RNFT2: variants seen among roughly 807,000 people sequenced by gnomAD.
RNFT2 encodes ring finger protein, transmembrane 2.
Under a neutral mutation model 53.0 loss-of-function variants are expected in RNFT2, and 36 were observed. The observed-to-expected ratio is 0.68, with a 90% CI of 0.52 to 0.90. The LOEUF is 0.90. Ranked by LOEUF, RNFT2 falls within the 40% of genes least tolerant of loss-of-function variation. The pLI is 0.00. For missense variants in RNFT2, 514 were observed against 585.6 expected (o/e 0.88, Z 1.26); for synonymous variants, 260 against 253.2 (o/e 1.03, Z -0.26).
chr12:116,824,387 C>T (rs1876213500), intron 7 of RNFT2, among the ~76,000 whole-genome samples: 1 of 152,116 alleles, frequency 6.6e-6, no homozygotes, highest in Non-Finnish European at 1.5e-5. Context: ...GGATTGGAAT[C>T]AAATAGTAAC....
Position 116,741,107 on chromosome 12 carries a change from GCT to G in RNFT2, c.83+14_83+15del. ...TTCCACCTGAAAGGTAGGCATCCCT[GCT>G]TCTGTTCCATCTGAGGGCTCTAGGC... On this transcript the variant is annotated intron_variant, in intron 3 of 10. Transcript: ENST00000257575. 6.2e-7 allele frequency: 1 copy of G among 1,603,844 alleles called. No individual in the cohort carries two copies.
chr12:116,843,566 C>T (rs1050601335), intron 10 of RNFT2, among the ~76,000 whole-genome samples: 2 of 151,778 alleles, frequency 1.3e-5, no homozygotes, highest in Non-Finnish European at 2.9e-5. Context: ...CTGCCTTCCC[C>T]ACTGCCCATC....
chr12:116,834,008 G>T, intron 8 of RNFT2, 67 bp downstream of exon 8: 2 of 1,412,782 alleles, frequency 1.4e-6, no homozygotes, highest in South Asian at 3.4e-5. Flanking sequence ...GGCCTCAGGG[G>T]GCTCCTGGGC....
chr12:116,792,345 C>T (rs1259349478), intron 7 of RNFT2, among the ~76,000 whole-genome samples: 19 of 151,496 alleles, frequency 1.3e-4, no homozygotes, highest in Non-Finnish European at 2.1e-4. Flanking sequence ...CCACTGCGCC[C>T]AGCCTAGAAA....
chr12:116,847,018 C>G (rs542070035), intron 10 of RNFT2, among the ~76,000 whole-genome samples: 2 of 151,572 alleles, frequency 1.3e-5, no homozygotes, highest in East Asian at 3.9e-4. Flanking sequence ...AAACGATTCT[C>G]CTGCCTTAGC....
intron 1 of RNFT2, among the ~76,000 whole-genome samples, chr12:116,739,394 A>G (rs1024761767): frequency 6.6e-6 from 1 of 152,260 alleles, no homozygotes; most frequent in Non-Finnish European, 1.5e-5. Context: ...ATGCTGAGGC[A>G]GAGGGGTGAT....
chr12:116,853,294 C>T lies in RNFT2; in HGVS notation c.*3846C>T, dbSNP rs931981852. On this transcript the variant is annotated 3_prime_UTR_variant, in exon 11 of 11. Coordinates refer to ENST00000257575, the MANE Select transcript of RNFT2 (RefSeq NM_001382266.1). ...CGAGTATCAGGTTCACAGTATCCTG[C>T]CCTTATTATTTTATGATTCACTGAC... 2 of 398,210 alleles carry T rather than the reference C, an allele frequency of 5.0e-6. No homozygotes were observed. The highest frequency in any genetic ancestry group is 3.6e-5 in the East Asian group (1 of 28,074). 24.7% of individuals were successfully genotyped at this position (398,210 alleles called of 1,614,324 possible). A position where few individuals can be genotyped will look rare whatever the true frequency, so the allele number is the denominator to read the frequency against.
In RNFT2 at chr12:116,803,094, T is replaced by TA. The variant is rs11285914; in HGVS notation, c.882+23757dup. ...TGGGCAACAGAGCAAGACCCTGTCT[T>TA]AAAAAAAAAAATCAAAAACAAATAC... On this transcript the variant is annotated intron_variant, in intron 7 of 10. Transcript: ENST00000257575. Among the ~76,000 whole-genome samples, 267 of 150,584 alleles carry TA rather than the reference T, an allele frequency of 1.8e-3. 1 individual carries two copies. The highest frequency in any genetic ancestry group is 6.2e-3 in the African/African-American group (254 of 40,844).
At chr12:116,783,079 C>T (rs192131413) in intron 7 of RNFT2, among the ~76,000 whole-genome samples, 7 of 152,322 alleles carry the variant, frequency 4.6e-5, no homozygotes, top group African/African-American at 1.2e-4. Context: ...TTTTAAATCA[C>T]TACTATGCCC....
chr12:116,743,225 AAAAAAAAAAAAAAAAAAAAC>A lies in RNFT2; in HGVS notation c.83+2132_83+2151del, dbSNP rs1273943803. 1.4e-4 allele frequency among the ~76,000 whole-genome samples: 16 copies of A among 110,488 alleles called. 1 individual carries two copies. Among genetic ancestry groups the A allele is most frequent in the Non-Finnish European group, 2.6e-4 (14 of 53,496 alleles). 72.5% of individuals were successfully genotyped at this position (110,488 alleles called of 152,430 possible). A position where few individuals can be genotyped will look rare whatever the true frequency, so the allele number is the denominator to read the frequency against. ...ACCAGGTAGAATCTAAAAAAAAAAA[AAAAAAAAAAAAAAAAAAAAC>A]CGGTTAAAAAACACTCATGAGCTAG... is the stretch of plus-strand genomic sequence containing the variant. On this transcript the variant is annotated intron_variant, in intron 3 of 10. Coordinates refer to ENST00000257575, the MANE Select transcript of RNFT2 (RefSeq NM_001382266.1).
chr12:116,786,654 T>C (rs1873949898), intron 7 of RNFT2, among the ~76,000 whole-genome samples: 1 of 152,210 alleles, frequency 6.6e-6, no homozygotes, highest in African/African-American at 2.4e-5. Flanking sequence ...GTCACCTCTT[T>C]CTGGATGAAA....
intron 7 of RNFT2, among the ~76,000 whole-genome samples, chr12:116,800,844 A>AAAAT (rs1491324969): frequency 1.3e-5 from 2 of 148,786 alleles, no homozygotes; most frequent in African/African-American, 5.1e-5. Context: ...AAAATAAAAT[A>AAAAT]AAATAAAATA....
rs1876804658 is a variant in RNFT2 at position 116,833,672 on chromosome 12, G to A, written c.883-120G>A. 5 of 1,005,526 alleles carry A rather than the reference G, an allele frequency of 5.0e-6. No individual in the cohort carries two copies. In the Admixed American group the frequency reaches 1.2e-4, roughly 23 times the overall value. The allele number at this position is 1,005,526 out of a possible 1,614,324, so 62.3% of individuals were successfully genotyped here. A position where few individuals can be genotyped will look rare whatever the true frequency, so the allele number is the denominator to read the frequency against. On this transcript the variant is annotated intron_variant, in intron 7 of 10. Coordinates refer to ENST00000257575, the MANE Select transcript of RNFT2 (RefSeq NM_001382266.1). ...GGAGCTGGCCTGAGTGCTTTCCAGAGCTGATTAATGGCCTGCCTGTGACCT... is the reference window on the plus strand; with the variant it reads ...GGAGCTGGCCTGAGTGCTTTCCAGAACTGATTAATGGCCTGCCTGTGACCT...
intron 7 of RNFT2, among the ~76,000 whole-genome samples, chr12:116,796,726 C>T (rs990560592): frequency 3.3e-5 from 5 of 152,190 alleles, no homozygotes; most frequent in Non-Finnish European, 7.3e-5. Flanking sequence ...CCCGCCTTCC[C>T]TTCTCCCAAT....
chr12:116,786,176 CA>C (rs1873927136), intron 7 of RNFT2, among the ~76,000 whole-genome samples: 1 of 150,040 alleles, frequency 6.7e-6, no homozygotes, highest in African/African-American at 2.5e-5. Flanking sequence ...GGCTGGAGTG[CA>C]ATGGCGTGAC....
intron 2 of RNFT2, 109 bp from the exon 3 acceptor site, chr12:116,740,927 G>T: frequency 1.1e-6 from 1 of 881,736 alleles, no homozygotes. Context: ...GAGAGCACTA[G>T]GGGTCTAAGA....
intron 10 of RNFT2, among the ~76,000 whole-genome samples, chr12:116,839,167 A>G (rs570440792): frequency 5.3e-5 from 8 of 152,300 alleles, no homozygotes; most frequent in South Asian, 2.1e-4. Flanking sequence ...ATTGTTAACT[A>G]GGTAGTTCAT....
In RNFT2 at chr12:116,852,640, C is replaced by G; in HGVS notation, c.*3192C>G. The stretch of plus-strand genomic sequence containing the variant: ...ACTGGTTTTTATCGGAAAGATCATC[C>G]TGCCTGCAGATGCTGTTGAAGGGGC... On this transcript the variant is annotated 3_prime_UTR_variant, in exon 11 of 11. Transcript: ENST00000257575. 6.2e-7 allele frequency: 1 copy of G among 1,614,024 alleles called. No homozygotes were observed. The highest frequency in any genetic ancestry group is 8.5e-7 in the Non-Finnish European group (1 of 1,179,890).
intron 7 of RNFT2, among the ~76,000 whole-genome samples, chr12:116,819,947 T>C (rs533316016): frequency 1.6e-3 from 244 of 152,388 alleles, no homozygotes; most frequent in Non-Finnish European, 2.8e-3. Flanking sequence ...TTAATTTTAA[T>C]ACTATATTTT....
Sources: allele counts gnomAD v4.1 joint callset (sites outside exome capture counted in the v4.1 genomes callset), GRCh38; gene constraint gnomAD v4.1.1; transcripts MANE v1.5; gene names NCBI Gene and HGNC (gene_info 2026-07-23, HGNC 2026-07-21).